The following ADGRF1 variants were observed in gnomAD, a reference collection of about 807,000 sequenced individuals.
The protein encoded by ADGRF1 is adhesion G protein-coupled receptor F1.
In ADGRF1, 85 loss-of-function variants were observed where a neutral mutation model predicts 87.2. The ratio of observed to expected loss-of-function variants is 0.97; its 90% CI spans 0.82 to 1.17. ADGRF1 has a LOEUF of 1.17. Ranked by LOEUF, ADGRF1 falls within the 50% of genes most tolerant of loss-of-function variation. The pLI is 0.00. For missense variants in ADGRF1, 1,169 were observed against 1,077.2 expected, an observed-to-expected ratio of 1.09 and a Z score of -1.19; for synonymous variants, 430 against 408.8, an observed-to-expected ratio of 1.05 and a Z score of -0.63.
At chr6:47,005,719 G>T in intron 13 of ADGRF1, 98 bp downstream of exon 13, 1 of 736,792 alleles carries the variant, frequency 1.4e-6, no homozygotes, top group Non-Finnish European at 2.3e-6. Flanking sequence ...AAATTCAAGG[G>T]GTTTACACAG....
chr6:46,998,724 G>C lies in ADGRF1; in HGVS notation c.*1498C>G, dbSNP rs981217751. 1.2e-4 allele frequency: 18 copies of C among 152,360 alleles called. No individual in the cohort carries two copies. Among genetic ancestry groups the C allele is most frequent in the Middle Eastern group, 3.4e-3 (1 of 296 alleles). 9.4% of individuals were successfully genotyped at this position (152,360 alleles called of 1,614,324 possible). On this transcript the variant is annotated 3_prime_UTR_variant, in exon 15 of 15. Coordinates refer to ENST00000371253, the MANE Select transcript of ADGRF1 (RefSeq NM_153840.4). ...ATTCCTCCTTCTCTCACTTTTGTGG[G>C]TAGGTAGAGTGAGAAGGCTCATAGA...
rs773948526 is a variant in ADGRF1, at chr6:47,010,159, G to A, written c.1276C>T (p.Arg426Trp). 41 of 1,614,028 alleles carry A rather than the reference G, an allele frequency of 2.5e-5. No homozygotes were observed. Among genetic ancestry groups the A allele is most frequent in the Middle Eastern group, 1.6e-4 (1 of 6,084 alleles). ...PPTALPLNFS[R>W]KFIDWKGIPV... The stretch of plus-strand genomic sequence containing the variant: ...ATCCCTTTCCAGTCAATGAATTTCC[G>A]AGAAAAATTCAGAGGAAGAGCTGTC... Residue 426 changes from arginine to tryptophan, a missense_variant, in exon 11 of 15, where the codon CGG (arginine) becomes TGG (tryptophan). Coordinates refer to ENST00000371253, the MANE Select transcript of ADGRF1 (RefSeq NM_153840.4).
intron 9 of ADGRF1, chr6:47,012,894 C>T (rs1344534994): frequency 4.8e-6 from 3 of 631,000 alleles, no homozygotes; most frequent in Non-Finnish European, 5.9e-6. Flanking sequence ...CTCAGCCTCC[C>T]AAGTAGCTGG....
chr6:47,028,865 A>G, intron 2 of ADGRF1, 128 bp downstream of exon 2: 2 of 738,860 alleles, frequency 2.7e-6, no homozygotes. Context: ...ACGAGAACTC[A>G]GGACTTCTGA....
At chr6:47,032,840 C>G (rs1434353188) in intron 1 of ADGRF1, among the ~76,000 whole-genome samples, 1 of 152,126 alleles carries the variant, frequency 6.6e-6, no homozygotes, top group Non-Finnish European at 1.5e-5. Context: ...GGCCATCACT[C>G]TGGAAATGGA....
intron 1 of ADGRF1, among the ~76,000 whole-genome samples, chr6:47,041,452 C>T (rs1266128855): frequency 6.6e-6 from 1 of 152,132 alleles, no homozygotes; most frequent in African/African-American, 2.4e-5. Flanking sequence ...TTCTATATCT[C>T]CTTCGGTATT....
intron 13 of ADGRF1, 153 bp from the exon 14 acceptor site, chr6:47,001,720 CT>C (rs1347663461): frequency 9.9e-6 from 6 of 606,672 alleles, no homozygotes; most frequent in East Asian, 2.9e-5. Flanking sequence ...TACTTTCTCA[CT>C]CTTTCTTCTG....
intron 1 of ADGRF1, among the ~76,000 whole-genome samples, chr6:47,031,750 T>C (rs1288507094): frequency 6.6e-6 from 1 of 152,084 alleles, no homozygotes; most frequent in African/African-American, 2.4e-5. Context: ...TATCGAGACA[T>C]GTTCTTGCTC....
chr6:47,015,416 T>A (rs1287527972), intron 8 of ADGRF1, among the ~76,000 whole-genome samples: 2 of 116,020 alleles, frequency 1.7e-5, no homozygotes, highest in African/African-American at 1.1e-4. Flanking sequence ...AGGGCTATGA[T>A]TTTTTTTTTT....
rs200664922 is a variant in ADGRF1 at position 47,012,027 on chromosome 6, C to T, written c.1096G>A (p.Val366Met). Residue 366 changes from valine to methionine, a missense_variant, in exon 10 of 15, where the codon GTG (valine) becomes ATG (methionine). Physicochemically the swap from Val to Met is conservative, Grantham distance 21. Coordinates refer to ENST00000371253, the MANE Select transcript of ADGRF1 (RefSeq NM_153840.4). ...CATACCTCCATTGTTGAATTGGACACCCTGAAATGGCTGGCCAGTGACAGA... is the reference window on the plus strand; with the variant it reads ...CATACCTCCATTGTTGAATTGGACATCCTGAAATGGCTGGCCAGTGACAGA... The part of the protein sequence containing the change: ...SSLSLASHFR[V>M]SNSTMEDVIS... 2 of 1,613,836 alleles carry T rather than the reference C, an allele frequency of 1.2e-6. No individual in the cohort carries two copies. Among genetic ancestry groups the T allele is most frequent in the Non-Finnish European group, 1.7e-6 (2 of 1,179,834 alleles).
intron 11 of ADGRF1, 25 bp downstream of exon 11, chr6:47,008,920 A>C: frequency 6.5e-7 from 1 of 1,549,382 alleles, no homozygotes; most frequent in Non-Finnish European, 8.7e-7. Flanking sequence ...TTGACAATAC[A>C]ATAGGTTATT....
In ADGRF1 at chr6:47,004,169, G is replaced by A. The variant is rs116783547; in HGVS notation, c.2592+1648C>T. ...GGGTCCACGTCTGGTTACCAATCTC[G>A]CTGATTTTGCTCACCAGCGAGTTTC... is the stretch of plus-strand genomic sequence containing the variant. On this transcript the variant is annotated intron_variant, in intron 13 of 14. Transcript: ENST00000371253. Among the ~76,000 whole-genome samples the A allele has an allele frequency of 4.2e-3, 635 of 152,180 alleles. 1 individual carries two copies. The highest frequency in any genetic ancestry group is 7.9e-3 in the South Asian group (38 of 4,818).
At chr6:47,027,674 A>G in intron 3 of ADGRF1, 30 bp downstream of exon 3, 1 of 1,546,210 alleles carries the variant, frequency 6.5e-7, no homozygotes. Flanking sequence ...ACCAAAATCC[A>G]CTGCACCATG....
intron 9 of ADGRF1, chr6:47,013,157 G>A (rs560870242): frequency 1.6e-4 from 155 of 985,310 alleles, no homozygotes; most frequent in Non-Finnish European, 1.8e-4. Flanking sequence ...AAGGAAGGCA[G>A]TCCCCTTCCA....
rs994622095 is a variant in ADGRF1, at chr6:47,010,324, A to G, written c.1117-6T>C. The G allele has an allele frequency of 6.3e-7, 1 of 1,586,966 alleles. No individual in the cohort carries two copies. Among genetic ancestry groups the G allele is most frequent in the Non-Finnish European group, 8.6e-7 (1 of 1,165,962 alleles). On this transcript the variant is annotated splice_polypyrimidine_tract_variant and splice_region_variant and intron_variant, in intron 10 of 14. Coordinates refer to ENST00000371253, the MANE Select transcript of ADGRF1 (RefSeq NM_153840.4). ...TCAGCTATACTGATGACATCCTGAA[A>G]CACAAGGATGAGAGTCAGTTTGTGT... is the stretch of plus-strand genomic sequence containing the variant.
rs776308796 is a variant in ADGRF1, at chr6:47,016,626, A to G, written c.754T>C (p.Phe252Leu). Residue 252 changes from phenylalanine to leucine, a missense_variant, in exon 8 of 15, where the codon TTC (phenylalanine) becomes CTC (leucine). By Grantham distance (22) the Phe-to-Leu change is conservative. Coordinates refer to ENST00000371253, the MANE Select transcript of ADGRF1 (RefSeq NM_153840.4). The stretch of plus-strand genomic sequence containing the variant: ...GGGAATCCAGCATTACCTTTTCCGA[A>G]CACTCTGAAAGAGCCGTCTTCTAAT... ...FPLEDGSFRV[F>L]GKAQCNDIVF... 1.2e-6 allele frequency: 2 copies of G among 1,603,714 alleles called. No homozygotes were observed. The highest frequency in any genetic ancestry group is 1.7e-6 in the Non-Finnish European group (2 of 1,172,754).
chr6:47,024,576 A>C (rs1780168558), intron 4 of ADGRF1, among the ~76,000 whole-genome samples: 1 of 152,224 alleles, frequency 6.6e-6, no homozygotes, highest in South Asian at 2.1e-4. Flanking sequence ...GGCCTCCCAA[A>C]GTGCTGGGAT....
chr6:47,028,545 G>A (rs1245948830), intron 2 of ADGRF1, among the ~76,000 whole-genome samples: 2 of 152,140 alleles, frequency 1.3e-5, no homozygotes, highest in Non-Finnish European at 2.9e-5. Flanking sequence ...GTGTGGACAG[G>A]GGAGAGGTCT....
intron 7 of ADGRF1, chr6:47,019,931 G>T (rs773226266): frequency 3.0e-6 from 3 of 985,336 alleles, no homozygotes; most frequent in Non-Finnish European, 3.6e-6. Flanking sequence ...ATGACTACTG[G>T]GTTTTGAACT....
Sources: gnomAD v4.1 joint callset for allele counts (sites outside exome capture counted in the v4.1 genomes callset) on GRCh38, gnomAD v4.1.1 for gene constraint, MANE v1.5 for transcripts, NCBI Gene and HGNC (gene_info 2026-07-23, HGNC 2026-07-21) for gene names.